The following TOX variants were observed in gnomAD, a reference collection of about 807,000 sequenced individuals.
The protein encoded by TOX is thymocyte selection-associated high mobility group box protein TOX.
A neutral mutation model predicts 53.7 loss-of-function variants in TOX; 11 were observed. The ratio of observed to expected loss-of-function variants is 0.20; its 90% CI spans 0.13 to 0.34. The LOEUF is 0.34. Ranked by LOEUF, TOX falls within the 10% of genes least tolerant of loss-of-function variation. TOX has a pLI of 1.00. For synonymous variants in TOX, 225 were observed against 245.3 expected, an observed-to-expected ratio of 0.92 and a Z score of 0.77; for missense variants, 570 against 664.6, an observed-to-expected ratio of 0.86 and a Z score of 1.56.
At chr8:59,079,257 T>G (rs1392838076) in intron 1 of TOX, among the ~76,000 whole-genome samples, 1 of 152,188 alleles carries the variant, frequency 6.6e-6, no homozygotes, top group Non-Finnish European at 1.5e-5. Context: ...ATTTTAGTTA[T>G]GCAAATATAG....
chr8:58,947,087 T>A (rs1008022691), intron 2 of TOX, among the ~76,000 whole-genome samples: 1 of 152,158 alleles, frequency 6.6e-6, no homozygotes, highest in Admixed American at 6.5e-5. Context: ...TGAATATTTG[T>A]CAATTGTAAG....
chr8:58,915,101 G>A (rs1331058755), intron 3 of TOX, among the ~76,000 whole-genome samples: 5 of 150,210 alleles, frequency 3.3e-5, no homozygotes, highest in Admixed American at 1.3e-4. Flanking sequence ...AGATCAAACT[G>A]CAAGGCGGCA....
chr8:59,061,879 G>A (rs146628611), intron 1 of TOX, among the ~76,000 whole-genome samples: 18 of 152,020 alleles, frequency 1.2e-4, no homozygotes, highest in Non-Finnish European at 1.9e-4. Context: ...CAGAACAAGG[G>A]GAGTGACGCC....
At chr8:58,861,329 A>C (rs986221480) in intron 3 of TOX, among the ~76,000 whole-genome samples, 7 of 152,142 alleles carry the variant, frequency 4.6e-5, no homozygotes, top group African/African-American at 1.4e-4. Flanking sequence ...AGTTCCTACA[A>C]ATTACATCTC....
chr8:58,930,708 A>G (rs1812242243), intron 3 of TOX, among the ~76,000 whole-genome samples: 1 of 152,214 alleles, frequency 6.6e-6, no homozygotes. Flanking sequence ...CAGATCCTCC[A>G]GGTATATAAC....
intron 1 of TOX, among the ~76,000 whole-genome samples, chr8:59,112,573 A>G (rs1403184778): frequency 6.6e-6 from 1 of 152,242 alleles, no homozygotes; most frequent in Non-Finnish European, 1.5e-5. Context: ...TGCATATTCA[A>G]AGAAAAAGAT....
intron 1 of TOX, among the ~76,000 whole-genome samples, chr8:59,017,642 C>T (rs969436604): frequency 6.6e-6 from 1 of 152,130 alleles, no homozygotes; most frequent in South Asian, 2.1e-4. Flanking sequence ...TAAACAAGAA[C>T]AATTACGTTG....
At chr8:58,831,361 T>C (rs1187346498) in intron 5 of TOX, among the ~76,000 whole-genome samples, 1 of 152,168 alleles carries the variant, frequency 6.6e-6, no homozygotes, top group East Asian at 1.9e-4. Context: ...ACCGATGTTA[T>C]AAAATTAAAA....
intron 5 of TOX, among the ~76,000 whole-genome samples, chr8:58,832,599 T>G (rs1315364670): frequency 6.6e-6 from 1 of 152,166 alleles, no homozygotes; most frequent in African/African-American, 2.4e-5. Context: ...TCAGAGGATT[T>G]GTCAGCTGCC....
intron 3 of TOX, among the ~76,000 whole-genome samples, chr8:58,914,521 G>A (rs1009391922): frequency 6.6e-6 from 1 of 152,062 alleles, no homozygotes; most frequent in African/African-American, 2.4e-5. Flanking sequence ...TCAATGTCTG[G>A]ACATTTTATG....
rs540687107 is a variant in TOX at position 58,851,378 on chromosome 8, A to G, written c.693+146T>C. The G allele has an allele frequency of 2.3e-6, 2 of 871,502 alleles. No individual in the cohort carries two copies. Among genetic ancestry groups the G allele is most frequent in the Admixed American group, 5.4e-5 (2 of 36,832 alleles). 54.0% of individuals were successfully genotyped at this position (871,502 alleles called of 1,614,324 possible). ...GGACAAGCAGGTGGTTTAATCCAGT[A>G]TGTTTGTAACCTCATGCTTCATTAA... On this transcript the variant is annotated intron_variant, in intron 4 of 8. Coordinates refer to ENST00000361421, the MANE Select transcript of TOX (RefSeq NM_014729.3). The surrounding 1 kb of genome is among the most constrained non-coding windows in gnomAD (Gnocchi z 4.4).
chr8:58,872,263 AC>A (rs1811211312), intron 3 of TOX, among the ~76,000 whole-genome samples: 1 of 152,054 alleles, frequency 6.6e-6, no homozygotes, highest in South Asian at 2.1e-4. Context: ...AAAAATAAAT[AC>A]CCATGAGCAC....
intron 1 of TOX, among the ~76,000 whole-genome samples, chr8:59,080,168 A>G (rs4738755): frequency 0.32 from 48,069 of 151,598 alleles, 12,780 homozygotes; most frequent in African/African-American, 0.73. Flanking sequence ...TTTTTAGTAG[A>G]CACAGGGTTT....
chr8:59,013,195 A>C (rs1230061078), intron 1 of TOX, among the ~76,000 whole-genome samples: 1 of 152,136 alleles, frequency 6.6e-6, no homozygotes, highest in Non-Finnish European at 1.5e-5. Context: ...TGCATATTAC[A>C]TCCCCGGTTC....
chr8:58,891,185 T>C (rs1293330574), intron 3 of TOX, among the ~76,000 whole-genome samples: 1 of 152,138 alleles, frequency 6.6e-6, no homozygotes, highest in Non-Finnish European at 1.5e-5. Flanking sequence ...CGCTGAGTTG[T>C]CTTTTAAGAA....
chr8:59,025,645 C>T (rs188487500), intron 1 of TOX, among the ~76,000 whole-genome samples: 1 of 152,142 alleles, frequency 6.6e-6, no homozygotes, highest in Non-Finnish European at 1.5e-5. Context: ...TCTGCCTTCT[C>T]CCCCTAGTCT....
At chr8:58,866,484 C>T (rs1811104102) in intron 3 of TOX, among the ~76,000 whole-genome samples, 2 of 152,162 alleles carry the variant, frequency 1.3e-5, no homozygotes, top group Non-Finnish European at 2.9e-5. Flanking sequence ...GAAACAGCTG[C>T]TATGTAAGTA....
Position 58,907,910 on chromosome 8 carries a change from A to G in TOX, c.411+31392T>C, listed in dbSNP as rs117377039. Among the ~76,000 whole-genome samples, 334 of 152,340 alleles carry G rather than the reference A, an allele frequency of 2.2e-3. 1 individual carries two copies. The highest frequency in any genetic ancestry group is 3.0e-3 in the Non-Finnish European group (206 of 68,044). ...TTTTGTGCTAGATATCTTCAAATAT[A>G]TAGAAAGATCCAAACTTTTTTCCGT... On this transcript the variant is annotated intron_variant, in intron 3 of 8. Coordinates refer to ENST00000361421, the MANE Select transcript of TOX (RefSeq NM_014729.3).
At chr8:59,030,488 G>A (rs1298621333) in intron 1 of TOX, among the ~76,000 whole-genome samples, 4 of 152,232 alleles carry the variant, frequency 2.6e-5, no homozygotes, top group South Asian at 2.1e-4. Context: ...GAAGCTCTAC[G>A]AAATGGAAAA....
Sources: gnomAD v4.1 joint callset for allele counts (sites outside exome capture counted in the v4.1 genomes callset) on GRCh38, gnomAD v4.1.1 for gene constraint, Gnocchi (gnomAD v3.1) non-coding constraint, MANE v1.5 for transcripts, NCBI Gene and HGNC (gene_info 2026-07-23, HGNC 2026-07-21) for gene names.